The following SDS variants were observed in gnomAD, a reference collection of about 807,000 sequenced individuals.
SDS encodes the protein serine dehydratase.
A neutral mutation model predicts 29.3 loss-of-function variants in SDS; 19 were observed. That is an observed-to-expected ratio of 0.65 (90% CI 0.45 to 0.95). The LOEUF (loss-of-function observed/expected upper bound fraction) is 0.95, where lower values mean the gene tolerates loss of function less well. SDS is among the 40% of genes least tolerant of loss of function. The pLI, the probability that SDS is intolerant of heterozygous loss-of-function variation, is 0.00. For missense variants in SDS, 375 were observed against 439.9 expected, an observed-to-expected ratio of 0.85 and a Z score of 1.32; for synonymous variants, 176 against 189.0, an observed-to-expected ratio of 0.93 and a Z score of 0.56.
rs1410296190 is a variant in SDS, at chr12:113,397,264, C to T, written c.554G>A (p.Trp185Ter). 1 of 1,614,076 alleles carries T rather than the reference C, an allele frequency of 6.2e-7. No individual in the cohort carries two copies. The highest frequency in any genetic ancestry group is 8.5e-7 in the Non-Finnish European group (1 of 1,180,036). Residue 185 changes from tryptophan to a stop codon, truncating the protein, a stop_gained, in exon 6 of 8, where the codon TGG becomes TAG. Transcript: ENST00000257549. LOFTEE classifies it high-confidence loss of function. Reference sequence around the variant, plus strand: ...CATGGCGATGACAGGCACGTCCCCCCAGCCCACCTCCTGCAGCCCCTGGAC... The same window carrying T: ...CATGGCGATGACAGGCACGTCCCCCTAGCCCACCTCCTGCAGCCCCTGGAC... ...GVVQGLQEVG[W>*]GDVPVIAMET... is the part of the protein sequence containing the mutation.
Position 113,399,684 on chromosome 12 carries a change from C to G in SDS, c.25G>C (p.Val9Leu), listed in dbSNP as rs1045548140. ...ATGCTGTCACGGATGGGGGTCTTCA[C>G]GTGCAGGGGTTCTCCAGACATCATT... is the stretch of plus-strand genomic sequence containing the variant. MMSGEPLH[V>L]KTPIRDSMAL... The change falls in exon 2 of 8, where the codon GTG becomes CTG. Residue 9 changes from valine (V) to leucine (L), a missense_variant. By Grantham distance (32) the Val-to-Leu change is conservative. Transcript: ENST00000257549. 1 of 1,594,440 alleles carries G rather than the reference C, an allele frequency of 6.3e-7. No homozygotes were observed. The highest frequency in any genetic ancestry group is 1.3e-5 in the African/African-American group (1 of 74,760).
rs536880930 is a variant in SDS at position 113,398,955 on chromosome 12, C to A, written c.194-109G>T. ...CTGGAGTTCCCCCCTCACCTCCCCA[C>A]CCTGGGCGACTGCTGGCCTCCCCCT... On this transcript the variant is annotated intron_variant, in intron 3 of 7. Transcript: ENST00000257549. 1.1e-5 allele frequency: 17 copies of A among 1,521,112 alleles called. 1 individual carries two copies. In the South Asian group the frequency reaches 1.6e-4, roughly 14 times the overall value. 94.2% of individuals were successfully genotyped at this position (1,521,112 alleles called of 1,614,324 possible).
intron 1 of SDS, 106 bp from the exon 2 acceptor site, chr12:113,399,816 A>C: frequency 8.8e-7 from 1 of 1,133,890 alleles, no homozygotes; most frequent in Non-Finnish European, 1.2e-6. Context: ...GCAAGGCCTC[A>C]GACGAGAGAG....
intron 6 of SDS, 40 bp from the exon 7 acceptor site, chr12:113,394,056 GA>G: frequency 6.2e-7 from 1 of 1,606,990 alleles, no homozygotes; most frequent in Non-Finnish European, 8.5e-7. Flanking sequence ...GGGAGTGGGG[GA>G]AACAGGAGAG....
At chr12:113,395,618 C>T in intron 6 of SDS, among the ~76,000 whole-genome samples, 1 of 152,216 alleles carries the variant, frequency 6.6e-6, no homozygotes, top group East Asian at 1.9e-4. Context: ...CTTGCTTCCC[C>T]ATCCCTGCCA....
chr12:113,398,539 G>A lies in SDS; in HGVS notation c.401C>T (p.Pro134Leu), dbSNP rs760950096. The change falls in exon 5 of 8, where the codon CCC becomes CTC. Residue 134 changes from proline (P) to leucine (L), a missense_variant. Coordinates refer to ENST00000257549, the MANE Select transcript of SDS (RefSeq NM_006843.3). ...CCAGATGAGGGGGTCATCAAAGGGG[G>A]GAATGTAGACCCAACCCGGGTTGTT... ...AKNNPGWVYI[P>L]PFDDPLIWEG... The A allele has an allele frequency of 6.3e-7, 1 of 1,591,228 alleles. No individual in the cohort carries two copies. The highest frequency in any genetic ancestry group is 1.1e-5 in the South Asian group (1 of 88,578).
In SDS at chr12:113,397,251, A is replaced by G. The variant is rs762393608; in HGVS notation, c.567T>C (p.Pro189=). 4 of 1,614,198 alleles carry G rather than the reference A, an allele frequency of 2.5e-6. No homozygotes were observed. Among genetic ancestry groups the G allele is most frequent in the Non-Finnish European group, 3.4e-6 (4 of 1,180,034 alleles). The change falls in exon 6 of 8, where the codon CCT becomes CCC. Residue 189 remains proline, a synonymous_variant. Coordinates refer to ENST00000257549, the MANE Select transcript of SDS (RefSeq NM_006843.3). ...GLQEVGWGDV[P]VIAMETFGAH... ...CACCAAAAGTCTCCATGGCGATGAC[A>G]GGCACGTCCCCCCAGCCCACCTCCT...
rs771773016 is a variant in SDS at position 113,397,409 on chromosome 12, G to C, written c.426-17C>G. 5 of 1,586,924 alleles carry C rather than the reference G, an allele frequency of 3.2e-6. No homozygotes were observed. Among genetic ancestry groups the C allele is most frequent in the African/African-American group, 2.7e-5 (2 of 74,614 alleles). On this transcript the variant is annotated splice_polypyrimidine_tract_variant and intron_variant, in intron 5 of 7. Coordinates refer to ENST00000257549, the MANE Select transcript of SDS (RefSeq NM_006843.3). ...TGGCCTTCCCTGGAGGGTGGGGAGA[G>C]GGGGTGGCAGGTCAGGGCTAGGCTT...
rs147254000 is a variant in SDS, at chr12:113,399,192, G to C, written c.154-41C>G. 23 of 1,604,382 alleles carry C rather than the reference G, an allele frequency of 1.4e-5. No individual in the cohort carries two copies. In the African/African-American group the frequency reaches 3.1e-4, roughly 21 times the overall value. ...GAGAGGCACTCAGGCCCACCTCCCA[G>C]TCATTGCCTGTGCTCTTCCTCCCCA... is the stretch of plus-strand genomic sequence containing the variant. On this transcript the variant is annotated intron_variant, in intron 2 of 7. Transcript: ENST00000257549.
Position 113,394,017 on chromosome 12 carries a change from C to T in SDS, c.654-1G>A. 1 of 1,613,750 alleles carries T rather than the reference C, an allele frequency of 6.2e-7. No individual in the cohort carries two copies. The highest frequency in any genetic ancestry group is 8.5e-7 in the Non-Finnish European group (1 of 1,179,964). ...CTTCACGCCCAGGGCCTTGGCAACACTGAGAGAAGTGGGAACCCAGAAGAG... is the reference window on the plus strand; with the variant it reads ...CTTCACGCCCAGGGCCTTGGCAACATTGAGAGAAGTGGGAACCCAGAAGAG... On this transcript the variant is annotated splice_acceptor_variant, in intron 6 of 7. Transcript: ENST00000257549. LOFTEE classifies it high-confidence loss of function.
At chr12:113,397,069 G>GAAAC (rs1184859312) in intron 6 of SDS, 96 bp downstream of exon 6, 1 of 1,104,128 alleles carries the variant, frequency 9.1e-7, no homozygotes, top group Non-Finnish European at 1.3e-6. Flanking sequence ...TCTCATCTGT[G>GAAAC]AAACAGGCTG....
In SDS at chr12:113,398,588, C is replaced by T. The variant is rs751111047; in HGVS notation, c.352G>A (p.Glu118Lys). 14 of 1,594,442 alleles carry T rather than the reference C, an allele frequency of 8.8e-6. No individual in the cohort carries two copies. Among genetic ancestry groups the T allele is most frequent in the African/African-American group, 5.4e-5 (4 of 74,156 alleles). The change falls in exon 5 of 8, where the codon GAG becomes AAG. Residue 118 changes from glutamate (E) to lysine (K), a missense_variant. Transcript: ENST00000257549. ...VVGELLDEAF[E>K]LAKALAKNNP... ...TTCTTCGCTAGGGCCTTGGCCAGCT[C>T]GAAGGCTTCATCCAATAACTGCAAA...
chr12:113,395,013 AT>A lies in SDS; in HGVS notation c.654-998del, dbSNP rs1297989409. ...AGGTGCCAAGCACTTCACAAGCATT[AT>A]TGAATTCACACAAGAATTCTGCTGT... On this transcript the variant is annotated intron_variant, in intron 6 of 7. Coordinates refer to ENST00000257549, the MANE Select transcript of SDS (RefSeq NM_006843.3). 4.7e-4 allele frequency among the ~76,000 whole-genome samples: 71 copies of A among 152,344 alleles called. 1 individual carries two copies. The highest frequency in any genetic ancestry group is 1.7e-3 in the African/African-American group (69 of 41,586).
At position 113,392,810 on chromosome 12, in the gene SDS, G is replaced by A; in HGVS notation, c.*131C>T. 2 of 881,252 alleles carry A rather than the reference G, an allele frequency of 2.3e-6. No individual in the cohort carries two copies. The highest frequency in any genetic ancestry group is 1.4e-5 in the South Asian group (1 of 70,398). 54.6% of individuals were successfully genotyped at this position (881,252 alleles called of 1,614,324 possible). A position where few individuals can be genotyped will look rare whatever the true frequency, so the allele number is the denominator to read the frequency against. Reference sequence around the variant, plus strand: ...TTTGGCCTCTGCATAGTGGGCTCCTGATAACAAGAAGTTAACCTGCACCCA... The same window carrying A: ...TTTGGCCTCTGCATAGTGGGCTCCTAATAACAAGAAGTTAACCTGCACCCA... On this transcript the variant is annotated 3_prime_UTR_variant, in exon 8 of 8. Transcript: ENST00000257549.
intron 1 of SDS, among the ~76,000 whole-genome samples, chr12:113,402,321 C>T (rs1957688648): frequency 6.6e-6 from 1 of 152,178 alleles, no homozygotes; most frequent in Admixed American, 6.5e-5. Context: ...TTTAGAGAAC[C>T]TCCCTCTGTC....
intron 7 of SDS, among the ~76,000 whole-genome samples, chr12:113,393,510 G>A (rs900783474): frequency 6.6e-6 from 1 of 152,104 alleles, no homozygotes; most frequent in Admixed American, 6.5e-5. Flanking sequence ...TGCCATCCCT[G>A]CCCTAGACGG....
chr12:113,396,889 T>C lies in SDS; in HGVS notation c.653+276A>G, dbSNP rs1230734018. On this transcript the variant is annotated intron_variant, in intron 6 of 7. Transcript: ENST00000257549. ...CCTGGCCTCAAGTGATCTTCCTGCC[T>C]CAGCCACCCAAAGTGCTGGGATTAC... 6.2e-5 allele frequency: 32 copies of C among 512,744 alleles called. No individual in the cohort carries two copies. The East Asian group carries it at 1.0e-3, about 16-fold the overall frequency. The allele number at this position is 512,744 out of a possible 1,614,324, so 31.8% of individuals were successfully genotyped here. A position where few individuals can be genotyped will look rare whatever the true frequency, so the allele number is the denominator to read the frequency against.
At chr12:113,393,266 C>T in intron 7 of SDS, 117 bp from the exon 8 acceptor site, 1 of 997,476 alleles carries the variant, frequency 1.0e-6, no homozygotes, top group Non-Finnish European at 1.5e-6. Context: ...GCCCTGGCTG[C>T]AGCCGCAGGT....
chr12:113,397,124 G>C, intron 6 of SDS, 41 bp downstream of exon 6: 1 of 1,565,620 alleles, frequency 6.4e-7, no homozygotes, highest in Non-Finnish European at 8.8e-7. Context: ...GGACTCCCCA[G>C]TGCTTGCTGG....
Sources: allele counts gnomAD v4.1 joint callset (sites outside exome capture counted in the v4.1 genomes callset), GRCh38; gene constraint gnomAD v4.1.1; transcripts MANE v1.5; gene names NCBI Gene and HGNC (gene_info 2026-07-23, HGNC 2026-07-21).